The following PALM2AKAP2 variants were observed in gnomAD, a reference collection of about 807,000 sequenced individuals.
PALM2AKAP2 encodes the protein PALM2-AKAP2 fusion protein.
A neutral mutation model predicts 71.5 loss-of-function variants in PALM2AKAP2; 37 were observed. The ratio of observed to expected loss-of-function variants is 0.52; its 90% CI spans 0.40 to 0.68. PALM2AKAP2 has a LOEUF of 0.68. PALM2AKAP2 is among the 30% of genes least tolerant of loss of function. The pLI, the probability that PALM2AKAP2 is intolerant of heterozygous loss-of-function variation, is 0.00. For synonymous variants in PALM2AKAP2, 468 were observed against 478.8 expected (o/e 0.98, Z 0.29); for missense variants, 1,224 against 1,191.8 (o/e 1.03, Z -0.40).
At position 109,923,751 on chromosome 9, in the gene PALM2AKAP2, C is replaced by CAA; in HGVS notation, c.276_277dup (p.Thr93LysfsTer3). The CAA allele has an allele frequency of 6.3e-7, 1 of 1,597,616 alleles. No homozygotes were observed. The highest frequency in any genetic ancestry group is 8.5e-7 in the Non-Finnish European group (1 of 1,175,154). Reference sequence around the variant, plus strand: ...GTTTTCCAGGCTGGAGCAAGAAATACAAACGCTAGAAAGTGAAGAGTCCCA... The same window carrying CAA: ...GTTTTCCAGGCTGGAGCAAGAAATACAAAAACGCTAGAAAGTGAAGAGTCCCA... On this transcript the variant is annotated frameshift_variant, in exon 4 of 10. Transcript: ENST00000302798. LOFTEE classifies it high-confidence loss of function.
At chr9:109,695,643 G>C (rs141923647) in intron 1 of PALM2AKAP2, among the ~76,000 whole-genome samples, 1 of 152,164 alleles carries the variant, frequency 6.6e-6, no homozygotes, top group East Asian at 1.9e-4. Context: ...GTCAATGAAT[G>C]AATGAGTAAA....
At chr9:109,829,427 C>G (rs1216863265) in intron 1 of PALM2AKAP2, among the ~76,000 whole-genome samples, 1 of 152,064 alleles carries the variant, frequency 6.6e-6, no homozygotes, top group Non-Finnish European at 1.5e-5. Context: ...TCCTTGTTTC[C>G]CCAGCACCCT....
intron 6 of PALM2AKAP2, among the ~76,000 whole-genome samples, chr9:109,987,164 T>A (rs1422547303): frequency 6.6e-6 from 1 of 152,174 alleles, no homozygotes; most frequent in Non-Finnish European, 1.5e-5. Context: ...AGAGTCTTGC[T>A]CTGTTGCCCA....
At chr9:109,886,862 A>G (rs1428504380) in intron 3 of PALM2AKAP2, among the ~76,000 whole-genome samples, 1 of 152,246 alleles carries the variant, frequency 6.6e-6, no homozygotes, top group Non-Finnish European at 1.5e-5. Flanking sequence ...GCTAGGTATA[A>G]GTAACTGATT....
chr9:109,831,172 CACACACACACAA>C (rs1438346817), intron 1 of PALM2AKAP2, among the ~76,000 whole-genome samples: 100 of 148,128 alleles, frequency 6.8e-4, no homozygotes, highest in East Asian at 3.8e-3. Flanking sequence ...CACACACACA[CACACACACACAA>C]GCATAAATAG....
In PALM2AKAP2 at chr9:109,810,467, C is replaced by T. The variant is rs191110686; in HGVS notation, c.45+29934C>T. On this transcript the variant is annotated intron_variant, in intron 1 of 9. Transcript: ENST00000302798. ...CTTATGAAAAGCTGCTGATATGCCA[C>T]GAAATCTGAGGCCAGAGGATTGTCC... is the stretch of plus-strand genomic sequence containing the variant. 1.6e-3 allele frequency among the ~76,000 whole-genome samples: 238 copies of T among 152,230 alleles called. 1 individual carries two copies. The highest frequency in any genetic ancestry group is 5.2e-3 in the African/African-American group (214 of 41,520).
At chr9:109,718,363 G>A (rs895530460) in intron 1 of PALM2AKAP2, among the ~76,000 whole-genome samples, 5 of 151,946 alleles carry the variant, frequency 3.3e-5, no homozygotes, top group African/African-American at 7.3e-5. Flanking sequence ...TACCATGCCC[G>A]GCCCCAGTTA....
intron 1 of PALM2AKAP2, among the ~76,000 whole-genome samples, chr9:109,838,866 C>T (rs1007226819): frequency 3.9e-5 from 6 of 152,214 alleles, no homozygotes; most frequent in African/African-American, 1.2e-4. Flanking sequence ...AGACCAATAA[C>T]AGGCTCTGAA....
rs1156658454 is a variant in PALM2AKAP2 at position 109,973,011 on chromosome 9, A to T, written c.496+40983A>T. On this transcript the variant is annotated intron_variant, in intron 6 of 9. Transcript: ENST00000302798. The stretch of plus-strand genomic sequence containing the variant: ...CAAAAAGACTCAGTTAATATAGGCT[A>T]TAAGTTGGAATCAATAATCCATGAA... Among the ~76,000 whole-genome samples the T allele has an allele frequency of 2.0e-5, 3 of 152,334 alleles. No homozygotes were observed. In the East Asian group the frequency reaches 5.8e-4, roughly 29 times the overall value.
At chr9:109,986,585 T>C (rs1180108693) in intron 6 of PALM2AKAP2, among the ~76,000 whole-genome samples, 1 of 152,224 alleles carries the variant, frequency 6.6e-6, no homozygotes, top group Non-Finnish European at 1.5e-5. Context: ...CTGTTTCCCT[T>C]GTGTTTGTGC....
intron 7 of PALM2AKAP2, among the ~76,000 whole-genome samples, chr9:110,016,432 C>CT (rs1564261872): frequency 6.6e-6 from 1 of 152,164 alleles, no homozygotes. Context: ...ATTCAGGCCC[C>CT]ACTGTGCATT....
chr9:109,778,567 A>C (rs1203758087), upstream of PALM2AKAP2, among the ~76,000 whole-genome samples: 4 of 152,190 alleles, frequency 2.6e-5, no homozygotes, highest in South Asian at 8.3e-4. Flanking sequence ...TTTATTAAAC[A>C]ATCAGCTCCA....
intron 6 of PALM2AKAP2, among the ~76,000 whole-genome samples, chr9:109,959,045 AC>A (rs1325140840): frequency 6.6e-6 from 1 of 151,582 alleles, no homozygotes; most frequent in African/African-American, 2.4e-5. Flanking sequence ...GACTTGGCAA[AC>A]CCCCCCACCT....
chr9:109,658,453 A>T (rs1220016995), intron 1 of PALM2AKAP2, among the ~76,000 whole-genome samples: 2 of 152,234 alleles, frequency 1.3e-5, no homozygotes, highest in Non-Finnish European at 2.9e-5. Flanking sequence ...TAATATGTTC[A>T]TGTCTCAAGG....
At chr9:109,761,641 G>T (rs1163128872) in intron 1 of PALM2AKAP2, among the ~76,000 whole-genome samples, 1 of 152,132 alleles carries the variant, frequency 6.6e-6, no homozygotes, top group Middle Eastern at 3.2e-3. Context: ...TTCTGTTCCT[G>T]TATTAGTTTG....
At chr9:109,792,624 A>T (rs983723025) in intron 1 of PALM2AKAP2, among the ~76,000 whole-genome samples, 1 of 152,070 alleles carries the variant, frequency 6.6e-6, no homozygotes, top group Non-Finnish European at 1.5e-5. Context: ...AAGACCCTAA[A>T]AATCAGTTGA....
intron 2 of PALM2AKAP2, among the ~76,000 whole-genome samples, chr9:109,876,003 A>G (rs1276792798): frequency 6.6e-6 from 1 of 152,072 alleles, no homozygotes; most frequent in Non-Finnish European, 1.5e-5. Context: ...AGTCCTTAGC[A>G]CCTTGGGAGG....
At chr9:109,828,353 T>C (rs1228437948) in intron 1 of PALM2AKAP2, among the ~76,000 whole-genome samples, 1 of 152,244 alleles carries the variant, frequency 6.6e-6, no homozygotes, top group East Asian at 1.9e-4. Context: ...CTATTCCTAT[T>C]CTTTGAGTTT....
intron 2 of PALM2AKAP2, among the ~76,000 whole-genome samples, chr9:109,875,795 A>T (rs2131735687): frequency 6.6e-6 from 1 of 152,214 alleles, no homozygotes; most frequent in South Asian, 2.1e-4. Flanking sequence ...AAGTTTGGGA[A>T]ACTCAGTTCT....
Sources: allele counts gnomAD v4.1 joint callset (sites outside exome capture counted in the v4.1 genomes callset), GRCh38; gene constraint gnomAD v4.1.1; transcripts MANE v1.5; gene names NCBI Gene and HGNC (gene_info 2026-07-23, HGNC 2026-07-21).